The following CUBN variants were observed in gnomAD, a reference collection of about 807,000 sequenced individuals.
CUBN encodes the protein cubilin.
Under a neutral mutation model 405.3 loss-of-function variants are expected in CUBN, and 282 were observed. That is an observed-to-expected ratio of 0.70 (90% CI 0.63 to 0.77). The LOEUF (loss-of-function observed/expected upper bound fraction) is 0.77. Among genes scored for constraint, CUBN ranks in the 30% least tolerant of loss-of-function variants. The pLI is 0.00. For synonymous variants in CUBN, 1,684 were observed against 1,617.0 expected (o/e 1.04, Z -0.99); for missense variants, 4,514 against 4,475.2 (o/e 1.01, Z -0.25).
chr10:16,931,142 T>C (rs1205499973), intron 40 of CUBN, among the ~76,000 whole-genome samples: 1 of 150,932 alleles, frequency 6.6e-6, no homozygotes, highest in Non-Finnish European at 1.5e-5. Flanking sequence ...CGGGTGCCTA[T>C]AGTCCCAGCT....
intron 14 of CUBN, 72 bp downstream of exon 14, chr10:17,099,933 A>G (rs746632627): frequency 1.1e-6 from 1 of 904,230 alleles, no homozygotes; most frequent in Non-Finnish European, 1.8e-6. Flanking sequence ...TGTATCCAAA[A>G]GTCTAACACT....
rs775221843 is a variant in CUBN at position 16,928,204 on chromosome 10, G to A, written c.6224C>T (p.Ser2075Leu). 4.3e-6 allele frequency: 7 copies of A among 1,613,848 alleles called. No homozygotes were observed. Among genetic ancestry groups the A allele is most frequent in the South Asian group, 1.1e-5 (1 of 91,074 alleles). The change falls in exon 41 of 67, where the codon TCG (serine) becomes TTG (leucine). Residue 2075 changes from serine (S) to leucine (L), a missense_variant. Ser to Leu is a moderately radical substitution (Grantham distance 145). Transcript: ENST00000377833. ...TGEYMFIRFT[S>L]DSSVTRAGFN... ...GCCTGCCCTGGTTACACTGGAGTCCGAGGTGAAGCGGATGAACATGTACTC... is the reference window on the plus strand; with the variant it reads ...GCCTGCCCTGGTTACACTGGAGTCCAAGGTGAAGCGGATGAACATGTACTC...
chr10:16,852,636 G>A (rs771122258), intron 59 of CUBN, among the ~76,000 whole-genome samples: 12 of 152,306 alleles, frequency 7.9e-5, no homozygotes, highest in African/African-American at 1.4e-4. Context: ...TTCTACAGAC[G>A]TTTTTGGGAT....
Position 16,847,664 on chromosome 10 carries a change from A to G in CUBN, c.9663+3571T>C, listed in dbSNP as rs184233160. Among the ~76,000 whole-genome samples the G allele has an allele frequency of 4.6e-3, 699 of 152,304 alleles. 3 individuals are homozygous for G. The highest frequency in any genetic ancestry group is 0.01 in the Middle Eastern group (3 of 294). Reference sequence around the variant, plus strand: ...ACAGGGCCTGGCACATACCCTTGCCAACTAACTCCTGCAATGGATGCGATG... The same window carrying G: ...ACAGGGCCTGGCACATACCCTTGCCGACTAACTCCTGCAATGGATGCGATG... On this transcript the variant is annotated intron_variant, in intron 60 of 66. Coordinates refer to ENST00000377833, the MANE Select transcript of CUBN (RefSeq NM_001081.4).
Position 17,068,083 on chromosome 10 carries a change from A to G in CUBN, c.2989T>C (p.Ser997Pro). Residue 997 changes from serine (S) to proline (P), a missense_variant, in exon 21 of 67, where the codon TCT (serine) becomes CCT (proline). By Grantham distance (74) the Ser-to-Pro change is moderately conservative (BLOSUM62 -1). Around this residue, in one of 5 missense-constraint regions of CUBN, gnomAD observed 1,448 missense variants for 1,388.0 expected, o/e 1.04. Coordinates refer to ENST00000377833, the MANE Select transcript of CUBN (RefSeq NM_001081.4). ...NDYLEVYDTDSETSLGRYCGK... is the reference protein window; with the variant it reads ...NDYLEVYDTDPETSLGRYCGK... ...CCTTACCTTCCAAGGGATGTCTCAG[A>G]GTCGGTGTCATAAACTTCCAAGTAG... 6.2e-7 allele frequency: 1 copy of G among 1,612,434 alleles called. No homozygotes were observed. Among genetic ancestry groups the G allele is most frequent in the Non-Finnish European group, 8.5e-7 (1 of 1,178,590 alleles).
intron 27 of CUBN, among the ~76,000 whole-genome samples, chr10:17,028,224 CA>C (rs1834712876): frequency 1.2e-5 from 1 of 82,604 alleles, no homozygotes; most frequent in Non-Finnish European, 2.4e-5. Flanking sequence ...AAACACTAAA[CA>C]TTTATTATTA....
chr10:16,825,370 C>T (rs889165945), intron 66 of CUBN, among the ~76,000 whole-genome samples: 3 of 151,958 alleles, frequency 2.0e-5, no homozygotes, highest in Non-Finnish European at 4.4e-5. Context: ...TGATAATGGC[C>T]GCACAGCTCT....
intron 31 of CUBN, among the ~76,000 whole-genome samples, chr10:16,976,376 T>G (rs757113688): frequency 4.6e-5 from 7 of 152,064 alleles, no homozygotes; most frequent in African/African-American, 9.7e-5. Context: ...TTTAAAAAAA[T>G]TTTTTTTACT....
At chr10:16,847,128 C>T (rs12247375) in intron 60 of CUBN, among the ~76,000 whole-genome samples, 2,081 of 152,112 alleles carry the variant, frequency 0.014, 49 homozygotes, top group African/African-American at 0.048. Flanking sequence ...TTATGCAACA[C>T]GTTATACAAT....
intron 27 of CUBN, among the ~76,000 whole-genome samples, chr10:17,035,359 G>T (rs1834872595): frequency 6.6e-6 from 1 of 152,170 alleles, no homozygotes; most frequent in South Asian, 2.1e-4. Context: ...TAATTTTAAG[G>T]CTGTGACTAG....
Position 16,928,214 on chromosome 10 carries a change from G to A in CUBN, c.6214C>T (p.Arg2072Cys), listed in dbSNP as rs149102355. 51 of 1,613,798 alleles carry A rather than the reference G, an allele frequency of 3.2e-5. 1 individual carries two copies. The highest frequency in any genetic ancestry group is 8.8e-5 in the South Asian group (8 of 91,078). The change falls in exon 41 of 67, where the codon CGC (arginine) becomes TGC (cysteine). Residue 2072 changes from arginine to cysteine, a missense_variant. Coordinates refer to ENST00000377833, the MANE Select transcript of CUBN (RefSeq NM_001081.4). ...GTTACACTGGAGTCCGAGGTGAAGC[G>A]GATGAACATGTACTCTCCAGTAGAC... ...IRSTGEYMFI[R>C]FTSDSSVTRA...
intron 28 of CUBN, among the ~76,000 whole-genome samples, chr10:17,007,015 C>CCTTGACCTTGTTTGTATGCTCACAAA (rs1180958425): frequency 6.6e-6 from 1 of 152,190 alleles, no homozygotes; most frequent in Non-Finnish European, 1.5e-5. Flanking sequence ...GTCACTCTCT[C>CCTTGACCTTGTTTGTATGCTCACAAA]GCTCACAAAG....
chr10:17,085,713 C>A lies in CUBN; in HGVS notation c.1994G>T (p.Cys665Phe), dbSNP rs766843619. The part of the protein sequence containing the change: ...LYQDPLLGKF[C>F]TTFSVPPLQT... ...GAGCGGTGGGACAGAGAAAGTGGTG[C>A]AGAACTTCCCAAGAAGGGGGTCCTG... Residue 665 changes from cysteine (C) to phenylalanine (F), a missense_variant, in exon 16 of 67, where the codon TGC (cysteine) becomes TTC (phenylalanine). By Grantham distance (205) the Cys-to-Phe change is radical (BLOSUM62 -2). This residue lies in a region of CUBN where 1,448 missense variants were observed against 1,388.0 expected (regional missense o/e 1.04). Transcript: ENST00000377833. 1 of 1,613,996 alleles carries A rather than the reference C, an allele frequency of 6.2e-7. No homozygotes were observed. The highest frequency in any genetic ancestry group is 8.5e-7 in the Non-Finnish European group (1 of 1,179,938).
At chr10:17,098,797 G>A (rs1284331259) in intron 14 of CUBN, among the ~76,000 whole-genome samples, 4 of 151,900 alleles carry the variant, frequency 2.6e-5, no homozygotes, top group African/African-American at 9.7e-5. Flanking sequence ...TTAAATTTTA[G>A]AAAATTAATA....
chr10:17,014,756 C>T (rs530461337), intron 28 of CUBN, among the ~76,000 whole-genome samples: 15 of 152,310 alleles, frequency 9.8e-5, no homozygotes, highest in Non-Finnish European at 1.5e-4. Flanking sequence ...AGTGCCTGGA[C>T]TTGAGAAGTT....
chr10:17,095,037 G>A (rs1836342404), intron 14 of CUBN, among the ~76,000 whole-genome samples: 1 of 151,914 alleles, frequency 6.6e-6, no homozygotes, highest in Non-Finnish European at 1.5e-5. Context: ...AAAACAGTAT[G>A]GTATTGGCAT....
chr10:17,075,894 A>G (rs531744721), intron 17 of CUBN, among the ~76,000 whole-genome samples: 5 of 152,314 alleles, frequency 3.3e-5, no homozygotes, highest in African/African-American at 1.2e-4. Flanking sequence ...GTATTTGACA[A>G]ATTCTTGTTG....
chr10:16,943,124 C>T (rs1045106517), intron 36 of CUBN, among the ~76,000 whole-genome samples: 1 of 152,194 alleles, frequency 6.6e-6, no homozygotes, highest in East Asian at 1.9e-4. Flanking sequence ...CATCTCTGGT[C>T]ACTCCCTGCC....
chr10:16,944,945 C>A (rs1043281715), intron 36 of CUBN, among the ~76,000 whole-genome samples: 3 of 152,104 alleles, frequency 2.0e-5, no homozygotes, highest in African/African-American at 7.2e-5. Flanking sequence ...GTGTGGTATG[C>A]GTTTTAAATT....
Sources: allele counts gnomAD v4.1 joint callset (sites outside exome capture counted in the v4.1 genomes callset), GRCh38; gene constraint gnomAD v4.1.1; regional missense constraint gnomAD v4.1.1; transcripts MANE v1.5; gene names NCBI Gene and HGNC (gene_info 2026-07-23, HGNC 2026-07-21).